Variants in ATP13A5 observed in about 807,000 individuals in gnomAD.
ATP13A5 encodes the protein ATPase 13A5.
ATP13A5 carries 149 observed loss-of-function variants against 150.2 expected under a neutral mutation model. The observed-to-expected ratio is 0.99, with a 90% CI of 0.87 to 1.14. ATP13A5 has a LOEUF of 1.14. ATP13A5 is among the 50% of genes most tolerant of loss of function. The pLI is 0.00. For missense variants in ATP13A5, 1,383 were observed against 1,449.3 expected (o/e 0.95, Z 0.74); for synonymous variants, 497 against 522.2 (o/e 0.95, Z 0.66).
chr3:193,331,471 C>T (rs556781249), intron 11 of ATP13A5, among the ~76,000 whole-genome samples, 160 bp from the exon 12 acceptor site: 4 of 152,258 alleles, frequency 2.6e-5, no homozygotes, highest in Admixed American at 2.6e-4. Context: ...TTCTGTTTCC[C>T]TCTACTTAGC....
At chr3:193,352,718 C>T (rs74287986) in intron 6 of ATP13A5, among the ~76,000 whole-genome samples, 14,490 of 151,928 alleles carry the variant, frequency 0.095, 1,092 homozygotes, top group African/African-American at 0.2. Flanking sequence ...TGCTATGAAC[C>T]GAAAACTAGT....
chr3:193,361,828 T>C (rs953081213), intron 5 of ATP13A5, among the ~76,000 whole-genome samples: 1 of 152,228 alleles, frequency 6.6e-6, no homozygotes, highest in Admixed American at 6.5e-5. Flanking sequence ...AGATCCTTAG[T>C]TCCTTGCAAA....
chr3:193,300,207 G>T (rs1370357349), intron 24 of ATP13A5, among the ~76,000 whole-genome samples: 2 of 152,092 alleles, frequency 1.3e-5, no homozygotes, highest in African/African-American at 4.8e-5. Context: ...TCACCTGAGA[G>T]TGGTAAAATT....
At position 193,285,105 on chromosome 3, in the gene ATP13A5, A is replaced by G; in HGVS notation, c.3035T>C (p.Leu1012Pro). 6.2e-7 allele frequency: 1 copy of G among 1,613,862 alleles called. No homozygotes were observed. The change falls in exon 27 of 30, where the codon CTG (leucine) becomes CCG (proline). Residue 1012 changes from leucine (L) to proline (P), a missense_variant. Leu to Pro is a moderately conservative substitution (Grantham distance 98). Coordinates refer to ENST00000342358, the MANE Select transcript of ATP13A5 (RefSeq NM_198505.4). Reference protein sequence around the residue: ...CEVYQYSECFLANQSNFSTNV... With the variant: ...CEVYQYSECFPANQSNFSTNV... ...TGTTGAAAAATTACTTTGGTTGGCC[A>G]GAAAACACTCACTACAAAAGAATCA...
chr3:193,347,752 C>T (rs375061727), intron 7 of ATP13A5, among the ~76,000 whole-genome samples: 24 of 152,272 alleles, frequency 1.6e-4, no homozygotes, highest in South Asian at 4.1e-4. Context: ...ACGTCCACTC[C>T]GGTTTTCTAC....
chr3:193,334,879 C>T (rs766110995), intron 10 of ATP13A5, 50 bp downstream of exon 10: 1 of 1,554,252 alleles, frequency 6.4e-7, no homozygotes, highest in African/African-American at 1.4e-5. Flanking sequence ...TAATCCAACT[C>T]TCCCCATGTT....
chr3:193,315,748 G>A (rs1408773770), intron 17 of ATP13A5, among the ~76,000 whole-genome samples: 1 of 152,122 alleles, frequency 6.6e-6, no homozygotes, highest in Non-Finnish European at 1.5e-5. Flanking sequence ...GCTGTGCACC[G>A]TGGTGTTAAG....
chr3:193,330,991 C>G, intron 12 of ATP13A5, 132 bp downstream of exon 12: 1 of 882,742 alleles, frequency 1.1e-6, no homozygotes, highest in Non-Finnish European at 1.7e-6. Flanking sequence ...CTAGCTCACT[C>G]TGTGACCTTC....
intron 1 of ATP13A5, among the ~76,000 whole-genome samples, chr3:193,376,398 A>C (rs1258188159): frequency 1.3e-5 from 2 of 152,112 alleles, no homozygotes; most frequent in African/African-American, 4.8e-5. Context: ...TTATAAGAAA[A>C]ACAGGCTTTT....
Position 193,331,293 on chromosome 3 carries a change from C to A in ATP13A5, c.1291G>T (p.Val431Leu), listed in dbSNP as rs1360478948. 3 of 1,613,322 alleles carry A rather than the reference C, an allele frequency of 1.9e-6. No individual in the cohort carries two copies. Among genetic ancestry groups the A allele is most frequent in the Non-Finnish European group, 2.5e-6 (3 of 1,179,786 alleles). ...MYHGVPPKDTVTMALILLTVT... is the reference protein window; with the variant it reads ...MYHGVPPKDTLTMALILLTVT... Reference sequence around the variant, plus strand: ...GTGAGGAGGATCAGGGCCATGGTCACAGTATCTTTTGGAGGAACCTGGGAG... The same window carrying A: ...GTGAGGAGGATCAGGGCCATGGTCAAAGTATCTTTTGGAGGAACCTGGGAG... Residue 431 changes from valine to leucine, a missense_variant, in exon 12 of 30, where the codon GTG (valine) becomes TTG (leucine). By Grantham distance (32) the Val-to-Leu change is conservative (BLOSUM62 1). Transcript: ENST00000342358.
chr3:193,286,806 A>C (rs1157153574), intron 26 of ATP13A5, among the ~76,000 whole-genome samples: 1 of 152,184 alleles, frequency 6.6e-6, no homozygotes, highest in African/African-American at 2.4e-5. Flanking sequence ...AGAAATGGGT[A>C]AGCTTAGTGA....
intron 1 of ATP13A5, among the ~76,000 whole-genome samples, chr3:193,373,711 C>T (rs983446223): frequency 9.2e-5 from 14 of 152,138 alleles, no homozygotes; most frequent in African/African-American, 3.4e-4. Flanking sequence ...GTCAGGAGAG[C>T]TAGTGGTATT....
chr3:193,364,724 C>T (rs1174709292), intron 1 of ATP13A5, among the ~76,000 whole-genome samples: 3 of 152,110 alleles, frequency 2.0e-5, no homozygotes, highest in African/African-American at 4.8e-5. Flanking sequence ...TACACTCATA[C>T]ATCTAGCTTT....
chr3:193,303,247 C>G (rs968932080), intron 23 of ATP13A5, among the ~76,000 whole-genome samples: 2 of 152,166 alleles, frequency 1.3e-5, no homozygotes, highest in African/African-American at 4.8e-5. Flanking sequence ...TTTTCCCCAC[C>G]TGGAATTCCT....
At chr3:193,346,992 C>T (rs1203073098) in intron 7 of ATP13A5, among the ~76,000 whole-genome samples, 2 of 152,156 alleles carry the variant, frequency 1.3e-5, no homozygotes, top group Non-Finnish European at 2.9e-5. Flanking sequence ...ACCCCCTAAT[C>T]AGTCAGGTAA....
intron 20 of ATP13A5, 80 bp downstream of exon 20, chr3:193,311,736 A>G: frequency 6.4e-7 from 1 of 1,559,598 alleles, no homozygotes; most frequent in Non-Finnish European, 8.7e-7. Context: ...CTCAGTGATC[A>G]CTGTTTTCAA....
chr3:193,327,501 T>C (rs1374914032), intron 12 of ATP13A5, among the ~76,000 whole-genome samples: 8 of 152,270 alleles, frequency 5.3e-5, no homozygotes, highest in Admixed American at 4.6e-4. Flanking sequence ...AGTAATTTTC[T>C]AAAAATATGG....
intron 21 of ATP13A5, among the ~76,000 whole-genome samples, chr3:193,308,581 G>A (rs1323679743): frequency 1.3e-5 from 2 of 152,150 alleles, no homozygotes; most frequent in Non-Finnish European, 2.9e-5. Context: ...GTTGAAAAAT[G>A]GCTCCTTCTT....
intron 5 of ATP13A5, among the ~76,000 whole-genome samples, chr3:193,355,106 A>G (rs1379455458): frequency 2.0e-5 from 3 of 151,666 alleles, no homozygotes; most frequent in Non-Finnish European, 2.9e-5. Flanking sequence ...CTAATTTTGT[A>G]TTTTTAGTAC....
Sources: gnomAD v4.1 joint callset for allele counts (sites outside exome capture counted in the v4.1 genomes callset) on GRCh38, gnomAD v4.1.1 for gene constraint, MANE v1.5 for transcripts, NCBI Gene and HGNC (gene_info 2026-07-23, HGNC 2026-07-21) for gene names.